Variants in KCNA2 observed in about 807,000 individuals in gnomAD.
The protein encoded by KCNA2 is potassium voltage-gated channel subfamily A member 2.
KCNA2 carries 11 observed loss-of-function variants against 33.4 expected under a neutral mutation model. That is an observed-to-expected ratio of 0.33 (90% CI 0.21 to 0.55). The LOEUF (loss-of-function observed/expected upper bound fraction) is 0.55, where lower values mean the gene tolerates loss of function less well. KCNA2 is among the 20% of genes least tolerant of loss of function. The pLI is 0.93. For synonymous variants in KCNA2, 222 were observed against 231.3 expected (o/e 0.96, Z 0.37); for missense variants, 291 against 621.6 (o/e 0.47, Z 5.66).
intron 1 of KCNA2, among the ~76,000 whole-genome samples, chr1:110,624,273 G>A (rs1650336054): frequency 6.6e-6 from 1 of 152,230 alleles, no homozygotes; most frequent in Non-Finnish European, 1.5e-5. Flanking sequence ...TTAACACAAT[G>A]TGCTATATCC....
chr1:110,611,826 C>T (rs1254595229), intron 1 of KCNA2, among the ~76,000 whole-genome samples: 2 of 151,568 alleles, frequency 1.3e-5, no homozygotes, highest in East Asian at 3.9e-4. Flanking sequence ...AATTTGAGAA[C>T]AGCCTGGGCA....
chr1:110,625,119 C>T (rs2101467033), intron 1 of KCNA2, among the ~76,000 whole-genome samples: 1 of 152,298 alleles, frequency 6.6e-6, no homozygotes, highest in East Asian at 1.9e-4. Context: ...AGCCCTTGGC[C>T]CATTGCAGAA....
chr1:110,604,802 A>G lies in KCNA2; in HGVS notation c.-20T>C. ...TGTCATAATTGGGACTGAGAGAAGCACCTCACGCTATGCCTTTCAGCTGCC... is the reference window on the plus strand; with the variant it reads ...TGTCATAATTGGGACTGAGAGAAGCGCCTCACGCTATGCCTTTCAGCTGCC... On this transcript the variant is annotated 5_prime_UTR_variant, in exon 3 of 3. Coordinates refer to ENST00000316361, the MANE Select transcript of KCNA2 (RefSeq NM_004974.4). This position sits in a 1 kb window ranked among gnomAD's most constrained non-coding sequence, Gnocchi z 7.6. The G allele has an allele frequency of 6.3e-7, 1 of 1,595,000 alleles. No homozygotes were observed. Among genetic ancestry groups the G allele is most frequent in the Non-Finnish European group, 8.5e-7 (1 of 1,170,232 alleles).
At chr1:110,626,243 G>A (rs376874180) in intron 1 of KCNA2, among the ~76,000 whole-genome samples, 8 of 152,120 alleles carry the variant, frequency 5.3e-5, no homozygotes, top group Admixed American at 3.9e-4. Context: ...CTGTGTTATA[G>A]CCATACATGG....
Position 110,595,378 on chromosome 1 carries a change from G to A in KCNA2, c.*7905C>T. On this transcript the variant is annotated 3_prime_UTR_variant, in exon 3 of 3. Transcript: ENST00000316361. ...GACAGGCCACCTCAACTGCCTCAGT[G>A]CACCAGCTGGTCATGTCAAGTCTGG... 1 of 985,434 alleles carries A rather than the reference G, an allele frequency of 1.0e-6. No individual in the cohort carries two copies. The highest frequency in any genetic ancestry group is 1.2e-6 in the Non-Finnish European group (1 of 829,956). 61.0% of individuals were successfully genotyped at this position (985,434 alleles called of 1,614,324 possible).
At position 110,604,538 on chromosome 1, in the gene KCNA2, CG is replaced by C; in HGVS notation, c.244del (p.Arg82AlafsTer17). 1 of 1,614,214 alleles carries C rather than the reference CG, an allele frequency of 6.2e-7. No individual in the cohort carries two copies. The highest frequency in any genetic ancestry group is 1.3e-5 in the African/African-American group (1 of 75,066). On this transcript the variant is annotated frameshift_variant, in exon 3 of 3. Coordinates refer to ENST00000316361, the MANE Select transcript of KCNA2 (RefSeq NM_004974.4). LOFTEE classifies it high-confidence loss of function. The surrounding 1 kb of genome is among the most constrained non-coding windows in gnomAD (Gnocchi z 7.6). ...LRNEYFFDRNRPSFDAILYYY... is the reference protein window; with the variant it reads ...LRNEYFFDRNXPSFDAILYYY... ...GTACAAAATGGCATCAAAGCTAGGG[CG>C]GTTCCGATCGAAAAAGTACTCATTT...
intron 1 of KCNA2, among the ~76,000 whole-genome samples, chr1:110,628,993 G>A (rs576327464): frequency 6.6e-6 from 1 of 152,226 alleles, no homozygotes; most frequent in South Asian, 2.1e-4. Flanking sequence ...CTCTTTCTTG[G>A]CAGCAAGACC....
Position 110,603,502 on chromosome 1 carries a change from G to A in KCNA2, c.1281C>T (p.Ala427=), listed in dbSNP as rs769892809. 1.9e-5 allele frequency: 31 copies of A among 1,613,824 alleles called. No individual in the cohort carries two copies. Among genetic ancestry groups the A allele is most frequent in the Non-Finnish European group, 2.5e-5 (29 of 1,179,998 alleles). The part of the protein sequence containing the change: ...YHRETEGEEQ[A]QYLQVTSCPK... Reference sequence around the variant, plus strand: ...GACAGCTTGTCACTTGCAAGTATTGGGCCTGTTCCTCTCCCTCTGTCTCCC... The same window carrying A: ...GACAGCTTGTCACTTGCAAGTATTGAGCCTGTTCCTCTCCCTCTGTCTCCC... The change falls in exon 3 of 3, where the codon GCC becomes GCT. Residue 427 remains alanine (A), a synonymous_variant. Coordinates refer to ENST00000316361, the MANE Select transcript of KCNA2 (RefSeq NM_004974.4). This position sits in a 1 kb window ranked among gnomAD's most constrained non-coding sequence, Gnocchi z 5.7.
At position 110,604,660 on chromosome 1, in the gene KCNA2, C is replaced by T; in HGVS notation, c.123G>A (p.Gly41=). ...TCTTTAGCTGGGTCTCAAACCGCAG[C>T]CCTGAGATGTTGATCACCACCCTCT... ...CCERVVINIS[G]LRFETQLKTL... is the part of the protein sequence containing the mutation. The change falls in exon 3 of 3, where the codon GGG becomes GGA. Residue 41 remains glycine, a synonymous_variant. Transcript: ENST00000316361. This position sits in a 1 kb window ranked among gnomAD's most constrained non-coding sequence, Gnocchi z 7.6. The T allele has an allele frequency of 6.2e-7, 1 of 1,614,206 alleles. No individual in the cohort carries two copies. The highest frequency in any genetic ancestry group is 8.5e-7 in the Non-Finnish European group (1 of 1,180,042).
intron 1 of KCNA2, among the ~76,000 whole-genome samples, chr1:110,618,280 G>C (rs547283587): frequency 6.6e-6 from 1 of 152,356 alleles, no homozygotes; most frequent in African/African-American, 2.4e-5. Flanking sequence ...CCAAGAGTTC[G>C]AGGTTACAGT....
chr1:110,598,025 G>T lies in KCNA2; in HGVS notation c.*5258C>A. 1.0e-6 allele frequency: 1 copy of T among 985,366 alleles called. No homozygotes were observed. Among genetic ancestry groups the T allele is most frequent in the Non-Finnish European group, 1.2e-6 (1 of 829,940 alleles). 61.0% of individuals were successfully genotyped at this position (985,366 alleles called of 1,614,324 possible). A position where few individuals can be genotyped will look rare whatever the true frequency, so the allele number is the denominator to read the frequency against. On this transcript the variant is annotated 3_prime_UTR_variant, in exon 3 of 3. Transcript: ENST00000316361. ...GGCTAAGTCTGAAGATATAGATGAT[G>T]GTCACAATAGCTACTGAGAGAGCTC...
rs1648973975 is a variant in KCNA2, at chr1:110,593,944, G to T, written c.*9339C>A. On this transcript the variant is annotated 3_prime_UTR_variant, in exon 3 of 3. Coordinates refer to ENST00000316361, the MANE Select transcript of KCNA2 (RefSeq NM_004974.4). ...CAGCTGGTGTCTAAATTTTCAAGAA[G>T]CAAACAAATAGTTAAATGACTCCCA... 1 of 1,549,314 alleles carries T rather than the reference G, an allele frequency of 6.5e-7. No individual in the cohort carries two copies.
In KCNA2 at chr1:110,594,759, C is replaced by A; in HGVS notation, c.*8524G>T. 1.0e-6 allele frequency: 1 copy of A among 985,456 alleles called. No homozygotes were observed. Among genetic ancestry groups the A allele is most frequent in the Non-Finnish European group, 1.2e-6 (1 of 829,976 alleles). 61.0% of individuals were successfully genotyped at this position (985,456 alleles called of 1,614,324 possible). ...TCAAACCCTCAGGAGCTGAGACTCA[C>A]CCCCGCCAAAGCCAGCCAGGCCTCT... On this transcript the variant is annotated 3_prime_UTR_variant, in exon 3 of 3. Coordinates refer to ENST00000316361, the MANE Select transcript of KCNA2 (RefSeq NM_004974.4).
chr1:110,601,678 CA>C lies in KCNA2; in HGVS notation c.*1604del. On this transcript the variant is annotated 3_prime_UTR_variant, in exon 3 of 3. Transcript: ENST00000316361. The stretch of plus-strand genomic sequence containing the variant: ...GAGGCAATGGCAGCAAACCCAGGCC[CA>C]GTGGGGTTACCAATGAGACAAATTA... 9.3e-7 allele frequency: 1 copy of C among 1,079,160 alleles called. No individual in the cohort carries two copies. The highest frequency in any genetic ancestry group is 1.1e-6 in the Non-Finnish European group (1 of 892,122). The allele number at this position is 1,079,160 out of a possible 1,614,324, so 66.8% of individuals were successfully genotyped here. A position where few individuals can be genotyped will look rare whatever the true frequency, so the allele number is the denominator to read the frequency against.
rs548208714 is a variant in KCNA2, at chr1:110,626,961, T to A, written c.-496+4434A>T. Among the ~76,000 whole-genome samples the A allele has an allele frequency of 1.7e-4, 26 of 152,368 alleles. No homozygotes were observed. The South Asian group carries it at 4.3e-3, about 25-fold the overall frequency. ...AATGTGATGACGATGACGATGATGATGATACCTCTGTTTACTGGGCACCTA... is the reference window on the plus strand; with the variant it reads ...AATGTGATGACGATGACGATGATGAAGATACCTCTGTTTACTGGGCACCTA... On this transcript the variant is annotated intron_variant, in intron 1 of 4. Coordinates refer to the KCNA2 transcript ENST00000369770.
upstream of KCNA2, among the ~76,000 whole-genome samples, chr1:110,608,451 C>G (rs4561041): frequency 5.9e-5 from 9 of 152,318 alleles, no homozygotes; most frequent in South Asian, 1.0e-3. Context: ...GGCCCTCCCC[C>G]CTACCCTCCG....
Position 110,595,634 on chromosome 1 carries a change from C to G in KCNA2, c.*7649G>C, listed in dbSNP as rs1649062466. On this transcript the variant is annotated 3_prime_UTR_variant, in exon 3 of 3. Transcript: ENST00000316361. ...TAGCAGGCAAGAGGGAGAATGAGAG[C>G]AGGTTTTAGCTTGCATCCAGCTGTT... is the stretch of plus-strand genomic sequence containing the variant. 1 of 985,436 alleles carries G rather than the reference C, an allele frequency of 1.0e-6. No individual in the cohort carries two copies. 61.0% of individuals were successfully genotyped at this position (985,436 alleles called of 1,614,324 possible). A position where few individuals can be genotyped will look rare whatever the true frequency, so the allele number is the denominator to read the frequency against.
intron 1 of KCNA2, among the ~76,000 whole-genome samples, chr1:110,627,664 G>A (rs550639736): frequency 4.0e-5 from 6 of 151,664 alleles, no homozygotes; most frequent in Non-Finnish European, 4.4e-5. Context: ...GGTAAGAAAG[G>A]AAAACAAAAA....
intron 1 of KCNA2, among the ~76,000 whole-genome samples, chr1:110,623,922 CAAA>C (rs756859389): frequency 3.2e-5 from 4 of 125,566 alleles, no homozygotes; most frequent in African/African-American, 2.7e-5. Flanking sequence ...ACAGTGAAGC[CAAA>C]AAAAAAAAAA....
Sources: gnomAD v4.1 joint callset for allele counts (sites outside exome capture counted in the v4.1 genomes callset) on GRCh38, gnomAD v4.1.1 for gene constraint, Gnocchi (gnomAD v3.1) non-coding constraint, MANE v1.5 for transcripts, NCBI Gene and HGNC (gene_info 2026-07-23, HGNC 2026-07-21) for gene names.